Variants in FAM120C observed in about 807,000 individuals in gnomAD.
FAM120C encodes family with sequence similarity 120 member C, also known as constitutive coactivator of PPAR-gamma-like protein 2.
Under a neutral mutation model 71.2 loss-of-function variants are expected in FAM120C, and 14 were observed. That is an observed-to-expected ratio of 0.20 (90% CI 0.13 to 0.31). The LOEUF is 0.31. Ranked by LOEUF, FAM120C falls within the 10% of genes least tolerant of loss-of-function variation. FAM120C has a pLI of 1.00. For missense variants in FAM120C, 500 were observed against 879.0 expected (o/e 0.57, Z 5.45); for synonymous variants, 354 against 353.2 (o/e 1.00, Z -0.03).
chrX:54,073,678 C>T (rs1424102153), intron 15 of FAM120C, among the ~76,000 whole-genome samples: 2 of 110,461 alleles, frequency 1.8e-5, no homozygotes, highest in African/African-American at 3.3e-5. Context: ...CTGATCTGCC[C>T]GCCTGAGCCT....
chrX:54,089,202 T>G (rs2146564186), intron 11 of FAM120C, among the ~76,000 whole-genome samples: 1 of 111,854 alleles, frequency 8.9e-6, no homozygotes, highest in African/African-American at 3.2e-5. Flanking sequence ...TATGATAAAA[T>G]ACTATTTATT....
chrX:54,085,622 T>G, intron 13 of FAM120C, 93 bp downstream of exon 13: 3 of 854,290 alleles, frequency 3.5e-6, no homozygotes, highest in Non-Finnish European at 5.0e-6. Context: ...GAGATATATG[T>G]GAAACTGTTG....
At chrX:54,126,886 T>G (rs2067030251) in intron 9 of FAM120C, among the ~76,000 whole-genome samples, 1 of 112,976 alleles carries the variant, frequency 8.9e-6, no homozygotes, top group Non-Finnish European at 1.9e-5. Flanking sequence ...ATTGTCTTAG[T>G]CAATTTGGGC....
At chrX:54,174,800 A>G (rs1420567303) in intron 1 of FAM120C, among the ~76,000 whole-genome samples, 2 of 112,116 alleles carry the variant, frequency 1.8e-5, no homozygotes, top group Non-Finnish European at 3.8e-5. Flanking sequence ...AAATACATGC[A>G]TGGGCCACAT....
At chrX:54,173,299 A>T (rs913160059) in intron 1 of FAM120C, among the ~76,000 whole-genome samples, 3 of 111,993 alleles carry the variant, frequency 2.7e-5, no homozygotes, top group African/African-American at 9.7e-5. Context: ...CCCAGGCTGG[A>T]GTGCAATGGT....
chrX:54,136,410 C>T (rs2067094930), intron 5 of FAM120C, 81 bp downstream of exon 5: 1 of 646,804 alleles, frequency 1.5e-6, no homozygotes, highest in East Asian at 3.2e-5. Flanking sequence ...TGAGTGATTC[C>T]ACTCTGGCCC....
intron 4 of FAM120C, among the ~76,000 whole-genome samples, chrX:54,150,631 A>G (rs2067180068): frequency 9.1e-6 from 1 of 110,084 alleles, no homozygotes. Context: ...CTGAAACAAA[A>G]AAAGACTAGA....
intron 10 of FAM120C, among the ~76,000 whole-genome samples, chrX:54,099,316 T>A (rs1478286268): frequency 9.0e-6 from 1 of 111,559 alleles, no homozygotes; most frequent in African/African-American, 3.3e-5. Flanking sequence ...GTATTGGGAT[T>A]ACACACATGA....
intron 10 of FAM120C, among the ~76,000 whole-genome samples, chrX:54,106,080 A>G (rs782350992): frequency 8.9e-6 from 1 of 112,017 alleles, no homozygotes; most frequent in Admixed American, 9.6e-5. Context: ...ATATGGAACC[A>G]AAAAGGAGCC....
chrX:54,139,353 A>ATTTATTTATTTG (rs1215112439), intron 4 of FAM120C, among the ~76,000 whole-genome samples: 3 of 103,642 alleles, frequency 2.9e-5, no homozygotes, highest in African/African-American at 1.0e-4. Context: ...TTATTTATTT[A>ATTTATTTATTTG]TTTATTTATT....
At chrX:54,136,860 C>A (rs1219159473) in intron 4 of FAM120C, among the ~76,000 whole-genome samples, 1 of 110,803 alleles carries the variant, frequency 9.0e-6, no homozygotes, top group African/African-American at 3.3e-5. Flanking sequence ...GGAAAAATCA[C>A]ATAGTACCAC....
intron 1 of FAM120C, among the ~76,000 whole-genome samples, chrX:54,177,060 G>C (rs782481813): frequency 9.0e-6 from 1 of 111,325 alleles, no homozygotes; most frequent in Non-Finnish European, 1.9e-5. Flanking sequence ...AATACTATGA[G>C]AGAGGACACG....
intron 10 of FAM120C, among the ~76,000 whole-genome samples, chrX:54,103,297 C>T (rs2066890954): frequency 9.0e-6 from 1 of 110,859 alleles, no homozygotes; most frequent in African/African-American, 3.3e-5. Flanking sequence ...ATTTGCCTTT[C>T]CTGTCACCAA....
At chrX:54,095,858 G>A (rs1557123201) in intron 10 of FAM120C, among the ~76,000 whole-genome samples, 1 of 109,061 alleles carries the variant, frequency 9.2e-6, no homozygotes, top group Admixed American at 9.8e-5. Context: ...GTTTCACCAT[G>A]TTGGTCAGAC....
chrX:54,094,222 C>T (rs1483382052), intron 10 of FAM120C, among the ~76,000 whole-genome samples: 4 of 107,326 alleles, frequency 3.7e-5, no homozygotes, highest in African/African-American at 1.4e-4. Flanking sequence ...CTCAGCCTCT[C>T]GAGTAGCTGG....
intron 1 of FAM120C, among the ~76,000 whole-genome samples, chrX:54,176,258 C>T (rs2067316980): frequency 9.1e-6 from 1 of 110,290 alleles, no homozygotes; most frequent in Non-Finnish European, 1.9e-5. Flanking sequence ...CACGGTGAAA[C>T]CCCGTCTCTA....
At chrX:54,138,350 AT>A (rs1272175235) in intron 4 of FAM120C, among the ~76,000 whole-genome samples, 1 of 108,936 alleles carries the variant, frequency 9.2e-6, no homozygotes, top group Non-Finnish European at 1.9e-5. Flanking sequence ...AAATACAAAA[AT>A]TAGCTGGGTG....
Position 54,091,380 on chromosome X carries a change from G to C in FAM120C, c.2359C>G (p.Leu787Val). ...PGGRILHRHE[L>V]DTFLAQAVST... Reference sequence around the variant, plus strand: ...ACTGCCTGTGCAAGGAAGGTGTCTAGCTCATGGCGATGCAGGATTCGGCCA... The same window carrying C: ...ACTGCCTGTGCAAGGAAGGTGTCTACCTCATGGCGATGCAGGATTCGGCCA... The change falls in exon 11 of 16, where the codon CTA becomes GTA. Residue 787 changes from leucine to valine, a missense_variant. Coordinates refer to ENST00000375180, the MANE Select transcript of FAM120C (RefSeq NM_017848.6). The C allele has an allele frequency of 8.3e-7, 1 of 1,211,169 alleles. No individual in the cohort carries two copies. Among genetic ancestry groups the C allele is most frequent in the Non-Finnish European group, 1.1e-6 (1 of 894,782 alleles).
intron 10 of FAM120C, among the ~76,000 whole-genome samples, chrX:54,108,074 C>T (rs1288728939): frequency 2.8e-5 from 3 of 105,733 alleles, no homozygotes; most frequent in Admixed American, 1.1e-4. Flanking sequence ...ATTTTGAAAG[C>T]GAAGTGCTCT....
Sources: gnomAD v4.1 joint callset for allele counts (sites outside exome capture counted in the v4.1 genomes callset) on GRCh38, gnomAD v4.1.1 for gene constraint, MANE v1.5 for transcripts, NCBI Gene and HGNC (gene_info 2026-07-23, HGNC 2026-07-21) for gene names.